Variants in XKR4 observed in about 807,000 individuals in gnomAD.
The protein encoded by XKR4 is XK related 4, also known as XK-related protein 4.
In XKR4, 12 loss-of-function variants were observed where a neutral mutation model predicts 53.9. The ratio of observed to expected loss-of-function variants is 0.22; its 90% CI spans 0.14 to 0.36. The LOEUF is 0.36. XKR4 is among the 10% of genes least tolerant of loss of function. The pLI, the probability that XKR4 is intolerant of heterozygous loss-of-function variation, is 1.00. For synonymous variants in XKR4, 354 were observed against 362.4 expected (o/e 0.98, Z 0.26); for missense variants, 799 against 859.5 (o/e 0.93, Z 0.88).
At chr8:55,319,157 C>A (rs2129379199) in intron 1 of XKR4, among the ~76,000 whole-genome samples, 1 of 152,248 alleles carries the variant, frequency 6.6e-6, no homozygotes, top group East Asian at 1.9e-4. Flanking sequence ...GACAAAAATT[C>A]ATAATCAAGT....
At chr8:55,453,466 G>C (rs758779300) in intron 2 of XKR4, 2 of 398,694 alleles carry the variant, frequency 5.0e-6, no homozygotes, top group East Asian at 6.8e-5. Context: ...CCTCAAACAC[G>C]TGGGAGATGC....
chr8:55,354,138 G>A (rs765804049), intron 1 of XKR4, among the ~76,000 whole-genome samples: 7 of 152,192 alleles, frequency 4.6e-5, no homozygotes, highest in East Asian at 1.9e-4. Flanking sequence ...AAGAGCCAAT[G>A]TGATATCAAA....
At chr8:55,221,076 C>T (rs1035934621) in intron 1 of XKR4, among the ~76,000 whole-genome samples, 1 of 152,158 alleles carries the variant, frequency 6.6e-6, no homozygotes, top group African/African-American at 2.4e-5. Context: ...CATTGCCAGC[C>T]AAGATTTGAT....
At chr8:55,506,321 C>T (rs1271734065) in intron 2 of XKR4, among the ~76,000 whole-genome samples, 1 of 152,154 alleles carries the variant, frequency 6.6e-6, no homozygotes, top group Non-Finnish European at 1.5e-5. Context: ...CTGAAAGGCT[C>T]ACAGCAAAAA....
chr8:55,145,535 A>G (rs1816762310), intron 1 of XKR4, among the ~76,000 whole-genome samples: 1 of 152,184 alleles, frequency 6.6e-6, no homozygotes, highest in South Asian at 2.1e-4. Flanking sequence ...CACTGGAGAG[A>G]GTGTCCAATA....
chr8:55,151,719 A>T (rs1042454782), intron 1 of XKR4, among the ~76,000 whole-genome samples: 2 of 152,186 alleles, frequency 1.3e-5, no homozygotes, highest in African/African-American at 2.4e-5. Context: ...GTGTATTTCT[A>T]TTGAAATGCA....
chr8:55,371,485 C>T (rs1008210342), intron 2 of XKR4, among the ~76,000 whole-genome samples: 2 of 152,138 alleles, frequency 1.3e-5, no homozygotes, highest in African/African-American at 4.8e-5. Flanking sequence ...TCTGTCTTTG[C>T]ATTGTTCAAT....
chr8:55,387,599 C>A (rs1680829129), intron 2 of XKR4, among the ~76,000 whole-genome samples: 1 of 152,198 alleles, frequency 6.6e-6, no homozygotes, highest in South Asian at 2.1e-4. Context: ...CTAGTCTTCT[C>A]AGCTTGCTCC....
intron 2 of XKR4, among the ~76,000 whole-genome samples, chr8:55,442,344 G>A (rs1204022904): frequency 2.0e-5 from 3 of 152,146 alleles, no homozygotes; most frequent in African/African-American, 7.2e-5. Flanking sequence ...GTGTTGAGAA[G>A]GATGTGAACA....
intron 2 of XKR4, among the ~76,000 whole-genome samples, chr8:55,511,926 G>T (rs981414343): frequency 4.6e-5 from 7 of 151,924 alleles, no homozygotes; most frequent in African/African-American, 1.5e-4. Context: ...TCAATCCCGG[G>T]GCATTGAAAT....
chr8:55,533,822 G>A lies in XKR4; in HGVS notation c.*9595G>A, dbSNP rs539285315. 8 of 152,236 alleles carry A rather than the reference G, an allele frequency of 5.3e-5. No homozygotes were observed. The highest frequency in any genetic ancestry group is 1.0e-4 in the Non-Finnish European group (7 of 68,048). 9.4% of individuals were successfully genotyped at this position (152,236 alleles called of 1,614,324 possible). On this transcript the variant is annotated 3_prime_UTR_variant, in exon 3 of 3. Coordinates refer to ENST00000327381, the MANE Select transcript of XKR4 (RefSeq NM_052898.2). The stretch of plus-strand genomic sequence containing the variant: ...CACTTCCGTTCAGCCGTAGTACCAT[G>A]ACGTGCACAGGCCTGAAGAGAAATA...
At chr8:55,270,647 T>A (rs1818676909) in intron 1 of XKR4, among the ~76,000 whole-genome samples, 1 of 152,218 alleles carries the variant, frequency 6.6e-6, no homozygotes, top group South Asian at 2.1e-4. Context: ...AGAGTGTATG[T>A]CCCAAACATA....
chr8:55,442,955 C>T (rs1805291439), intron 2 of XKR4, among the ~76,000 whole-genome samples: 1 of 152,050 alleles, frequency 6.6e-6, no homozygotes, highest in Non-Finnish European at 1.5e-5. Flanking sequence ...AAATATATCT[C>T]AATTAAAAAG....
At chr8:55,414,863 G>T (rs977473957) in intron 2 of XKR4, among the ~76,000 whole-genome samples, 1 of 152,098 alleles carries the variant, frequency 6.6e-6, no homozygotes, top group African/African-American at 2.4e-5. Context: ...TATTATTAAG[G>T]AATAATAATT....
chr8:55,399,561 T>A (rs1002110282), intron 2 of XKR4, among the ~76,000 whole-genome samples: 1 of 152,194 alleles, frequency 6.6e-6, no homozygotes, highest in African/African-American at 2.4e-5. Flanking sequence ...TAACCACATG[T>A]GTGGAAATGC....
intron 1 of XKR4, among the ~76,000 whole-genome samples, chr8:55,224,544 T>G (rs1475454960): frequency 6.6e-6 from 1 of 152,160 alleles, no homozygotes; most frequent in Non-Finnish European, 1.5e-5. Flanking sequence ...AGCTATAAAC[T>G]CCTTTAAAAA....
chr8:55,537,530 A>G lies in XKR4; in HGVS notation c.*13303A>G, dbSNP rs375153804. ...TACAAATGATTCACCGTGAGCAGGC[A>G]CACAGAGTACGGAAAGGTATTCAAC... On this transcript the variant is annotated 3_prime_UTR_variant, in exon 3 of 3. Transcript: ENST00000327381. The G allele has an allele frequency of 5.2e-4, 79 of 152,374 alleles. No individual in the cohort carries two copies. The highest frequency in any genetic ancestry group is 1.7e-3 in the African/African-American group (70 of 41,590). The allele number at this position is 152,374 out of a possible 1,614,324, so 9.4% of individuals were successfully genotyped here.
intron 1 of XKR4, among the ~76,000 whole-genome samples, chr8:55,254,073 G>A (rs944132920): frequency 3.3e-5 from 5 of 151,932 alleles, no homozygotes; most frequent in Admixed American, 6.6e-5. Flanking sequence ...GTGCTTGGTC[G>A]TATTTTTCTC....
At chr8:55,448,266 C>T (rs754063767) in intron 2 of XKR4, among the ~76,000 whole-genome samples, 1 of 152,196 alleles carries the variant, frequency 6.6e-6, no homozygotes, top group African/African-American at 2.4e-5. Context: ...CTCAATAAAG[C>T]GCTCTTCTTC....
Sources: allele counts gnomAD v4.1 joint callset (sites outside exome capture counted in the v4.1 genomes callset), GRCh38; gene constraint gnomAD v4.1.1; transcripts MANE v1.5; gene names NCBI Gene and HGNC (gene_info 2026-07-23, HGNC 2026-07-21).